NCAM2: variants seen among roughly 807,000 people sequenced by gnomAD.
The protein encoded by NCAM2 is neural cell adhesion molecule 2, also known as N-CAM-2.
In NCAM2, 30 loss-of-function variants were observed where a neutral mutation model predicts 98.1. The observed-to-expected ratio is 0.31, with a 90% CI of 0.23 to 0.41. The LOEUF (loss-of-function observed/expected upper bound fraction) is 0.41. Ranked by LOEUF, NCAM2 falls within the 10% of genes least tolerant of loss-of-function variation. The pLI is 1.00. For missense variants in NCAM2, 867 were observed against 1,005.8 expected (o/e 0.86, Z 1.87); for synonymous variants, 368 against 342.4 (o/e 1.07, Z -0.83).
intron 12 of NCAM2, among the ~76,000 whole-genome samples, chr21:21,437,860 C>T (rs946072866): frequency 5.3e-5 from 8 of 151,626 alleles, no homozygotes; most frequent in African/African-American, 1.9e-4. Context: ...GTTTTTCTGG[C>T]TATCTAGGAG....
chr21:21,362,976 A>G (rs534840170), intron 8 of NCAM2, among the ~76,000 whole-genome samples: 35 of 152,312 alleles, frequency 2.3e-4, no homozygotes, highest in South Asian at 4.1e-4. Flanking sequence ...GAAGTTCACT[A>G]TACCCAGTAG....
chr21:21,179,663 C>G (rs529550664), intron 1 of NCAM2, among the ~76,000 whole-genome samples: 1 of 152,252 alleles, frequency 6.6e-6, no homozygotes, highest in South Asian at 2.1e-4. Context: ...TATTTACTTC[C>G]TTATAGAAGT....
Position 21,505,435 on chromosome 21 carries a change from C to A in NCAM2, c.2078-3416C>A, listed in dbSNP as rs190622552. Among the ~76,000 whole-genome samples the A allele has an allele frequency of 2.2e-3, 339 of 152,080 alleles. 2 individuals carry two copies. Among genetic ancestry groups the A allele is most frequent in the Non-Finnish European group, 3.6e-3 (246 of 67,962 alleles). On this transcript the variant is annotated intron_variant, in intron 15 of 17. Transcript: ENST00000400546. Reference sequence around the variant, plus strand: ...ACCATAACTGTTAAGAAATAAATTTCTTTTGTTTAAGCCAAAAAATGAAGA... The same window carrying A: ...ACCATAACTGTTAAGAAATAAATTTATTTTGTTTAAGCCAAAAAATGAAGA...
intron 1 of NCAM2, chr21:21,223,332 T>G (rs1004326669): frequency 6.6e-6 from 1 of 152,150 alleles, no homozygotes; most frequent in East Asian, 1.9e-4. Flanking sequence ...ATTTTTCGGA[T>G]TTTTTCATTT....
chr21:21,443,802 C>T (rs1170698567), intron 12 of NCAM2, among the ~76,000 whole-genome samples: 1 of 152,104 alleles, frequency 6.6e-6, no homozygotes, highest in Non-Finnish European at 1.5e-5. Context: ...GTTTATCCTG[C>T]AGCATTTCTT....
At chr21:21,077,127 G>T (rs1025477320) in intron 1 of NCAM2, among the ~76,000 whole-genome samples, 1 of 152,118 alleles carries the variant, frequency 6.6e-6, no homozygotes, top group African/African-American at 2.4e-5. Flanking sequence ...TTTTATTAAG[G>T]AAGCTTTTCC....
chr21:21,130,499 C>A (rs2186974), intron 1 of NCAM2, among the ~76,000 whole-genome samples: 145,790 of 152,220 alleles, frequency 0.96, 70,064 homozygotes, highest in East Asian at 1. Flanking sequence ...TAACATTTTC[C>A]CGAATGTAAA....
At chr21:21,355,467 C>CAAA (rs1191479876) in intron 8 of NCAM2, among the ~76,000 whole-genome samples, 17 of 67,192 alleles carry the variant, frequency 2.5e-4, no homozygotes, top group South Asian at 8.4e-4. Context: ...GACTATGTCT[C>CAAA]AAAAAAAAAA....
intron 1 of NCAM2, among the ~76,000 whole-genome samples, chr21:21,081,213 T>C (rs2146405226): frequency 6.6e-6 from 1 of 152,206 alleles, no homozygotes; most frequent in African/African-American, 2.4e-5. Context: ...AGGAGGTCAT[T>C]TACCAGTTAA....
chr21:21,280,550 CATTA>C, intron 1 of NCAM2, 24 bp from the exon 2 acceptor site: 1 of 1,490,602 alleles, frequency 6.7e-7, no homozygotes, highest in Non-Finnish European at 9.2e-7. Context: ...TAAAAATCAC[CATTA>C]ATTGTTTCCC....
At chr21:21,215,595 G>A (rs2069862362) in intron 1 of NCAM2, among the ~76,000 whole-genome samples, 1 of 152,050 alleles carries the variant, frequency 6.6e-6, no homozygotes, top group South Asian at 2.1e-4. Flanking sequence ...GGGCGTGGTG[G>A]TGCAAGCCTG....
intron 8 of NCAM2, among the ~76,000 whole-genome samples, chr21:21,356,662 A>G (rs1602089380): frequency 6.6e-6 from 1 of 152,300 alleles, no homozygotes; most frequent in Non-Finnish European, 1.5e-5. Context: ...TTATATTGGC[A>G]TGTGCTAATC....
At chr21:21,026,229 C>T (rs1329778215) in intron 1 of NCAM2, among the ~76,000 whole-genome samples, 1 of 152,064 alleles carries the variant, frequency 6.6e-6, no homozygotes, top group African/African-American at 2.4e-5. Context: ...AGGCAATTAA[C>T]TAGGGTTTAT....
intron 8 of NCAM2, among the ~76,000 whole-genome samples, chr21:21,367,825 G>C (rs56689790): frequency 0.024 from 3,632 of 151,912 alleles, 143 homozygotes; most frequent in African/African-American, 0.084. Flanking sequence ...TCAGGCTTTA[G>C]AGATTATAGG....
In NCAM2 at chr21:21,522,156, CTA is replaced by C. The variant is rs917525720; in HGVS notation, c.2283-12373_2283-12372del. On this transcript the variant is annotated intron_variant, in intron 16 of 17. Coordinates refer to ENST00000400546, the MANE Select transcript of NCAM2 (RefSeq NM_004540.5). ...AAATATGAATATATATGAATGAATA[CTA>C]TATATATGAATATGAATATATATGA... Among the ~76,000 whole-genome samples, 7 of 146,482 alleles carry C rather than the reference CTA, an allele frequency of 4.8e-5. No homozygotes were observed. The South Asian group carries it at 6.4e-4, about 13-fold the overall frequency.
chr21:21,019,222 G>A (rs894822131), intron 1 of NCAM2, among the ~76,000 whole-genome samples: 6 of 152,112 alleles, frequency 3.9e-5, no homozygotes, highest in Admixed American at 3.3e-4. Context: ...GTGAAGCCTC[G>A]CTCTGTATAC....
intron 1 of NCAM2, among the ~76,000 whole-genome samples, chr21:21,275,837 T>C (rs1465413026): frequency 6.6e-6 from 1 of 152,204 alleles, no homozygotes; most frequent in African/African-American, 2.4e-5. Context: ...ACCTCACAAC[T>C]AGTGTTTACC....
intron 15 of NCAM2, among the ~76,000 whole-genome samples, chr21:21,495,141 A>G (rs1356113335): frequency 1.3e-5 from 2 of 151,904 alleles, no homozygotes; most frequent in African/African-American, 4.8e-5. Context: ...GGGCTACTTA[A>G]AATTCCATTC....
intron 1 of NCAM2, among the ~76,000 whole-genome samples, chr21:21,218,860 A>G (rs2070018562): frequency 1.3e-5 from 2 of 152,208 alleles, no homozygotes; most frequent in Non-Finnish European, 2.9e-5. Flanking sequence ...CCTGGCCAAC[A>G]TGGTGAAACC....
Sources: allele counts gnomAD v4.1 joint callset (sites outside exome capture counted in the v4.1 genomes callset), GRCh38; gene constraint gnomAD v4.1.1; transcripts MANE v1.5; gene names NCBI Gene and HGNC (gene_info 2026-07-23, HGNC 2026-07-21).